Variants in TENM3 observed in about 807,000 individuals in gnomAD.
TENM3 encodes the protein teneurin-3.
TENM3 carries 63 observed loss-of-function variants against 255.1 expected under a neutral mutation model. That is an observed-to-expected ratio of 0.25 (90% CI 0.20 to 0.30). The LOEUF is 0.30. Ranked by LOEUF, TENM3 falls within the 10% of genes least tolerant of loss-of-function variation. TENM3 has a pLI of 1.00. For missense variants in TENM3, 2,929 were observed against 3,461.1 expected (o/e 0.85, Z 3.86); for synonymous variants, 1,306 against 1,322.3 (o/e 0.99, Z 0.27).
At chr4:182,005,695 C>A in the TENM3 span, among the ~76,000 whole-genome samples, 23 of 152,286 alleles carry the variant, frequency 1.5e-4, 3 homozygotes, top group South Asian at 4.8e-3. Context: ...TTCTTCCTAT[C>A]CCTGAGGATG....
rs1397362025 is a variant in TENM3, at chr4:182,234,252, C to T, written c.-76+89498C>T. ...CACAAAAGTTCGTTCATCCACAGAG[C>T]GAGTGGCCCCTGTGTTCTGAGGGAA... On this transcript the variant is annotated intron_variant, in intron 1 of 2. Coordinates refer to the TENM3 transcript ENST00000512480. Among the ~76,000 whole-genome samples, 6 of 152,268 alleles carry T rather than the reference C, an allele frequency of 3.9e-5. No individual in the cohort carries two copies. The South Asian group carries it at 1.2e-3, about 32-fold the overall frequency.
intron 3 of TENM3, among the ~76,000 whole-genome samples, chr4:182,524,656 C>T (rs546880949): frequency 1.6e-4 from 25 of 151,730 alleles, no homozygotes; most frequent in Admixed American, 3.9e-4. Flanking sequence ...CCGTCACACC[C>T]GACCTGACAA....
chr4:182,110,463 C>A, the TENM3 span, among the ~76,000 whole-genome samples: 1 of 151,958 alleles, frequency 6.6e-6, no homozygotes, highest in Non-Finnish European at 1.5e-5. Flanking sequence ...TAGGTGGGAC[C>A]ACTGGCATGC....
intron 3 of TENM3, among the ~76,000 whole-genome samples, chr4:182,378,841 T>C (rs1767366979): frequency 6.6e-6 from 1 of 152,196 alleles, no homozygotes; most frequent in East Asian, 1.9e-4. Flanking sequence ...CCAACTTGCC[T>C]AAGAACCTGG....
the TENM3 span, among the ~76,000 whole-genome samples, chr4:181,581,191 A>ATTTGGG: frequency 6.6e-6 from 1 of 152,182 alleles, no homozygotes; most frequent in Non-Finnish European, 1.5e-5. Context: ...CTGTAATCCC[A>ATTTGGG]GCACTTTGGG....
At chr4:182,389,007 A>T (rs1240064538) in intron 3 of TENM3, among the ~76,000 whole-genome samples, 1 of 152,248 alleles carries the variant, frequency 6.6e-6, no homozygotes, top group African/African-American at 2.4e-5. Flanking sequence ...CTGAAATTTC[A>T]AACATAAATT....
At chr4:182,051,439 G>A in the TENM3 span, among the ~76,000 whole-genome samples, 106 of 146,356 alleles carry the variant, frequency 7.2e-4, 2 homozygotes, top group African/African-American at 2.3e-3. Flanking sequence ...CTGCAGTGGC[G>A]CTATCTCGCC....
At chr4:181,640,693 G>A in the TENM3 span, among the ~76,000 whole-genome samples, 4 of 152,232 alleles carry the variant, frequency 2.6e-5, no homozygotes, top group Non-Finnish European at 1.5e-5. Flanking sequence ...CAGACTCTGT[G>A]GTCATCTCAT....
At chr4:181,651,567 G>A in the TENM3 span, among the ~76,000 whole-genome samples, 1 of 149,582 alleles carries the variant, frequency 6.7e-6, no homozygotes, top group Non-Finnish European at 1.5e-5. Context: ...CAGCCTGGGT[G>A]ACAACAGTGA....
chr4:181,569,546 G>A, the TENM3 span, among the ~76,000 whole-genome samples: 1 of 152,052 alleles, frequency 6.6e-6, no homozygotes, highest in Non-Finnish European at 1.5e-5. Context: ...CTGGATTTCT[G>A]TCTTGCATGC....
intron 1 of TENM3, among the ~76,000 whole-genome samples, chr4:182,149,142 C>T (rs1198179732): frequency 6.6e-6 from 1 of 151,976 alleles, no homozygotes; most frequent in African/African-American, 2.4e-5. Flanking sequence ...ATTTTATTCT[C>T]TGTAATGATA....
At chr4:181,856,090 G>T in the TENM3 span, among the ~76,000 whole-genome samples, 1 of 128,150 alleles carries the variant, frequency 7.8e-6, no homozygotes, top group Non-Finnish European at 1.6e-5. Context: ...AAGGAAGGAA[G>T]GAAAGGGAAA....
intron 13 of TENM3, among the ~76,000 whole-genome samples, chr4:182,727,944 T>C (rs1760357297): frequency 6.7e-6 from 1 of 149,848 alleles, no homozygotes; most frequent in Non-Finnish European, 1.5e-5. Flanking sequence ...CACTACAACC[T>C]CTGCCTCCCA....
At chr4:181,935,212 T>C in the TENM3 span, among the ~76,000 whole-genome samples, 1 of 152,248 alleles carries the variant, frequency 6.6e-6, no homozygotes, top group Admixed American at 6.5e-5. Flanking sequence ...AAAACATTTG[T>C]GATTGTTTTC....
At chr4:182,539,823 G>A (rs1740684957) in intron 3 of TENM3, among the ~76,000 whole-genome samples, 1 of 152,188 alleles carries the variant, frequency 6.6e-6, no homozygotes, top group Admixed American at 6.5e-5. Flanking sequence ...GAATTTGGGG[G>A]AAAATCAAGA....
the TENM3 span, among the ~76,000 whole-genome samples, chr4:181,952,854 C>T: frequency 6.6e-6 from 1 of 152,220 alleles, no homozygotes; most frequent in African/African-American, 2.4e-5. Context: ...CACTGTTTTA[C>T]ATTCACCTCT....
chr4:182,330,320 T>C (rs7655292), intron 2 of TENM3, among the ~76,000 whole-genome samples: 12,657 of 152,228 alleles, frequency 0.083, 557 homozygotes, highest in African/African-American at 0.11. Flanking sequence ...GGGACAGTCA[T>C]GGGGAAGTGT....
intron 6 of TENM3, among the ~76,000 whole-genome samples, chr4:182,671,494 C>T (rs886964220): frequency 2.0e-5 from 3 of 152,152 alleles, no homozygotes; most frequent in African/African-American, 7.2e-5. Context: ...CAACCTCCAG[C>T]CTGCAGTGAT....
chr4:181,809,092 A>G, the TENM3 span, among the ~76,000 whole-genome samples: 9 of 152,230 alleles, frequency 5.9e-5, no homozygotes. Flanking sequence ...TGAGTCTTTT[A>G]ACTGCCAGTT....
Sources: gnomAD v4.1 joint callset for allele counts (sites outside exome capture counted in the v4.1 genomes callset) on GRCh38, gnomAD v4.1.1 for gene constraint, MANE v1.5 for transcripts, NCBI Gene and HGNC (gene_info 2026-07-23, HGNC 2026-07-21) for gene names.